The following NLGN1 variants were observed in gnomAD, a reference collection of about 807,000 sequenced individuals.
The protein encoded by NLGN1 is neuroligin 1.
A neutral mutation model predicts 65.5 loss-of-function variants in NLGN1; 12 were observed. The observed-to-expected ratio is 0.18, with a 90% CI of 0.12 to 0.30. The LOEUF (loss-of-function observed/expected upper bound fraction) is 0.30. Ranked by LOEUF, NLGN1 falls within the 10% of genes least tolerant of loss-of-function variation. The pLI is 1.00. For missense variants in NLGN1, 750 were observed against 1,007.1 expected, an observed-to-expected ratio of 0.74 and a Z score of 3.46; for synonymous variants, 350 against 359.5, an observed-to-expected ratio of 0.97 and a Z score of 0.30.
chr3:173,942,166 A>G (rs1281194784), intron 4 of NLGN1, among the ~76,000 whole-genome samples: 1 of 150,760 alleles, frequency 6.6e-6, no homozygotes, highest in African/African-American at 2.4e-5. Context: ...GTATGTGTAT[A>G]TATAATATGT....
At chr3:173,995,963 G>C (rs192473706) in intron 4 of NLGN1, among the ~76,000 whole-genome samples, 2 of 152,068 alleles carry the variant, frequency 1.3e-5, no homozygotes, top group Non-Finnish European at 2.9e-5. Flanking sequence ...TGGGATTATA[G>C]GTGTAAGCCA....
chr3:174,158,896 T>G (rs1039815870), intron 4 of NLGN1, among the ~76,000 whole-genome samples: 2 of 151,670 alleles, frequency 1.3e-5, no homozygotes, highest in Non-Finnish European at 3.0e-5. Context: ...TCACTTTCTA[T>G]TTTAATCCAG....
chr3:173,834,810 A>C (rs1256599268), intron 4 of NLGN1, among the ~76,000 whole-genome samples: 1 of 152,180 alleles, frequency 6.6e-6, no homozygotes. Flanking sequence ...GCTAAACTGT[A>C]TTTATCTCTA....
In NLGN1 at chr3:173,445,607, T is replaced by C. The variant is rs78960622; in HGVS notation, c.-321+10529T>C. Among the ~76,000 whole-genome samples the C allele has an allele frequency of 6.1e-3, 936 of 152,258 alleles. 7 individuals carry two copies. The highest frequency in any genetic ancestry group is 0.022 in the African/African-American group (904 of 41,552). On this transcript the variant is annotated intron_variant, in intron 2 of 6. Coordinates refer to ENST00000457714, the Ensembl canonical transcript of NLGN1. ...GGTACCGTCTGCACTAATAGAGTAA[T>C]GGTTTTAGAGCCTGCTGAGATATGT... is the stretch of plus-strand genomic sequence containing the variant.
intron 4 of NLGN1, among the ~76,000 whole-genome samples, chr3:174,152,850 A>T (rs1295572366): frequency 1.3e-5 from 2 of 152,140 alleles, no homozygotes; most frequent in Non-Finnish European, 2.9e-5. Flanking sequence ...AACCATCCAC[A>T]TCTGTCATCT....
At chr3:173,993,917 AGT>A (rs368688763) in intron 4 of NLGN1, among the ~76,000 whole-genome samples, 120 of 150,768 alleles carry the variant, frequency 8.0e-4, no homozygotes, top group African/African-American at 2.1e-3. Context: ...TATGTATATG[AGT>A]GTGTGTGTGT....
At chr3:173,868,612 C>T (rs1188341758) in intron 4 of NLGN1, among the ~76,000 whole-genome samples, 1 of 152,104 alleles carries the variant, frequency 6.6e-6, no homozygotes, top group African/African-American at 2.4e-5. Flanking sequence ...AGGAGGGATT[C>T]AACTGGAAAT....
intron 3 of NLGN1, among the ~76,000 whole-genome samples, chr3:173,767,255 T>C (rs1778911023): frequency 1.3e-5 from 2 of 152,144 alleles, no homozygotes; most frequent in African/African-American, 4.8e-5. Context: ...GGATTTCTTA[T>C]ACTTGATGAC....
chr3:173,873,718 A>G (rs375992572), intron 4 of NLGN1, among the ~76,000 whole-genome samples: 4 of 152,148 alleles, frequency 2.6e-5, no homozygotes, highest in East Asian at 3.8e-4. Flanking sequence ...AATTGTCATC[A>G]TCTCATTTCG....
chr3:174,198,208 G>A lies in NLGN1; in HGVS notation c.647-77107G>A, dbSNP rs531986778. Among the ~76,000 whole-genome samples the A allele has an allele frequency of 3.3e-5, 5 of 152,200 alleles. No individual in the cohort carries two copies. In the South Asian group the frequency reaches 1.0e-3, roughly 32 times the overall value. On this transcript the variant is annotated intron_variant, in intron 4 of 6. Coordinates refer to ENST00000457714, the Ensembl canonical transcript of NLGN1. ...AAAATAAAACAGCTAATATTTATCA[G>A]GTATGTATTGTAGGTCAGATACTCT... is the stretch of plus-strand genomic sequence containing the variant.
At chr3:174,203,239 C>T (rs1335713911) in intron 4 of NLGN1, among the ~76,000 whole-genome samples, 1 of 152,150 alleles carries the variant, frequency 6.6e-6, no homozygotes. Flanking sequence ...CCTGTGCAGT[C>T]TCTCAAAGGT....
intron 4 of NLGN1, among the ~76,000 whole-genome samples, chr3:174,122,028 G>T (rs928054673): frequency 6.6e-6 from 1 of 152,032 alleles, no homozygotes; most frequent in Admixed American, 6.6e-5. Context: ...AAATTTTTCC[G>T]TCTTTCCTAA....
intron 4 of NLGN1, among the ~76,000 whole-genome samples, chr3:173,959,215 A>T (rs1423587851): frequency 6.6e-6 from 1 of 152,176 alleles, no homozygotes; most frequent in Non-Finnish European, 1.5e-5. Flanking sequence ...TTGCAGCTGC[A>T]CTTGGAAGGG....
At chr3:173,708,666 C>T (rs1008802456) in intron 3 of NLGN1, among the ~76,000 whole-genome samples, 2 of 152,026 alleles carry the variant, frequency 1.3e-5, no homozygotes, top group African/African-American at 4.8e-5. Flanking sequence ...AATCCTTGTC[C>T]CCTGAGGAGA....
chr3:173,629,633 G>A (rs975322012), intron 3 of NLGN1, among the ~76,000 whole-genome samples: 1 of 152,080 alleles, frequency 6.6e-6, no homozygotes, highest in Non-Finnish European at 1.5e-5. Context: ...TTGACACTTG[G>A]AAATCCTTAG....
At chr3:173,575,188 TAAAAATA>T (rs903398983) in intron 2 of NLGN1, among the ~76,000 whole-genome samples, 36 of 151,828 alleles carry the variant, frequency 2.4e-4, no homozygotes, top group Non-Finnish European at 4.0e-4. Context: ...CCAGTAATTC[TAAAAATA>T]AAAAATAAAA....
intron 2 of NLGN1, among the ~76,000 whole-genome samples, chr3:173,536,960 A>G (rs1376991346): frequency 6.6e-6 from 1 of 152,206 alleles, no homozygotes; most frequent in Non-Finnish European, 1.5e-5. Flanking sequence ...TGAGTCCAAA[A>G]GCAACAGAAG....
At chr3:173,548,736 C>T (rs935757182) in intron 2 of NLGN1, among the ~76,000 whole-genome samples, 1 of 151,632 alleles carries the variant, frequency 6.6e-6, no homozygotes, top group East Asian at 1.9e-4. Flanking sequence ...CACGCTAACA[C>T]GTGTGTGTAT....
chr3:174,253,367 C>T (rs765460241), intron 4 of NLGN1, among the ~76,000 whole-genome samples: 1 of 152,162 alleles, frequency 6.6e-6, no homozygotes, highest in African/African-American at 2.4e-5. Context: ...CCCTTCCTCT[C>T]GGGTTTGATT....
Sources: gnomAD v4.1 joint callset for allele counts (sites outside exome capture counted in the v4.1 genomes callset) on GRCh38, gnomAD v4.1.1 for gene constraint, MANE v1.5 for transcripts, NCBI Gene and HGNC (gene_info 2026-07-23, HGNC 2026-07-21) for gene names.